The following GALNTL6 variants were observed in gnomAD, a reference collection of about 807,000 sequenced individuals.
GALNTL6 encodes polypeptide N-acetylgalactosaminyltransferase-like 6.
Under a neutral mutation model 73.7 loss-of-function variants are expected in GALNTL6, and 46 were observed. The ratio of observed to expected loss-of-function variants is 0.62; its 90% CI spans 0.49 to 0.80. The LOEUF (loss-of-function observed/expected upper bound fraction) is 0.80. Among genes scored for constraint, GALNTL6 ranks in the 30% least tolerant of loss-of-function variants. The pLI is 0.00. For synonymous variants in GALNTL6, 259 were observed against 263.7 expected (o/e 0.98, Z 0.17); for missense variants, 604 against 755.0 (o/e 0.80, Z 2.34).
At chr4:172,678,055 G>C (rs146750033) in intron 5 of GALNTL6, among the ~76,000 whole-genome samples, 2 of 152,160 alleles carry the variant, frequency 1.3e-5, no homozygotes, top group African/African-American at 4.8e-5. Flanking sequence ...ATTCATGTGC[G>C]TGTCTTTGTT....
intron 5 of GALNTL6, among the ~76,000 whole-genome samples, chr4:172,537,227 C>G (rs977228936): frequency 6.6e-6 from 1 of 152,086 alleles, no homozygotes; most frequent in African/African-American, 2.4e-5. Context: ...CATGAGATTT[C>G]GGAGGGGCCA....
chr4:172,989,148 A>G (rs1423045855), intron 10 of GALNTL6, among the ~76,000 whole-genome samples: 1 of 152,162 alleles, frequency 6.6e-6, no homozygotes, highest in Non-Finnish European at 1.5e-5. Context: ...AGCTGCAGGC[A>G]CTCAATTCCA....
At chr4:172,640,800 A>G (rs537292719) in intron 5 of GALNTL6, among the ~76,000 whole-genome samples, 27 of 152,106 alleles carry the variant, frequency 1.8e-4, no homozygotes, top group Non-Finnish European at 3.8e-4. Context: ...CCACTTCAAT[A>G]TATCAATTTG....
intron 5 of GALNTL6, among the ~76,000 whole-genome samples, chr4:172,526,280 A>G (rs373398031): frequency 2.0e-5 from 3 of 152,200 alleles, no homozygotes; most frequent in Non-Finnish European, 2.9e-5. Context: ...TGACCTCACT[A>G]AAACCATTGA....
chr4:172,171,645 A>G (rs1734830541), intron 2 of GALNTL6, among the ~76,000 whole-genome samples: 1 of 150,236 alleles, frequency 6.7e-6, no homozygotes, highest in African/African-American at 2.5e-5. Context: ...CCCAGGCAAC[A>G]TGGTGAAACT....
rs561353130 is a variant in GALNTL6, at chr4:172,386,172, A to G, written c.553+37483A>G. ...CAGATAGGAGAAGAAAAAATTTACA[A>G]AAATACATTAATAATAATTTTTATA... On this transcript the variant is annotated intron_variant, in intron 5 of 12. Coordinates refer to ENST00000506823, the MANE Select transcript of GALNTL6 (RefSeq NM_001034845.3). Among the ~76,000 whole-genome samples the G allele has an allele frequency of 3.9e-5, 6 of 152,294 alleles. No homozygotes were observed. In the South Asian group the frequency reaches 1.2e-3, roughly 32 times the overall value.
chr4:171,864,207 G>A (rs1037289588), intron 2 of GALNTL6, among the ~76,000 whole-genome samples: 4 of 151,986 alleles, frequency 2.6e-5, no homozygotes, highest in African/African-American at 9.7e-5. Flanking sequence ...ATCTTTAAAG[G>A]AAATAATTAT....
intron 2 of GALNTL6, among the ~76,000 whole-genome samples, chr4:172,175,843 A>T (rs72996349): frequency 0.021 from 3,169 of 152,056 alleles, 107 homozygotes; most frequent in African/African-American, 0.071. Context: ...TGCTTGTCTC[A>T]CTTTCTTTCC....
chr4:172,561,488 C>T (rs186825769), intron 5 of GALNTL6, among the ~76,000 whole-genome samples: 374 of 152,096 alleles, frequency 2.5e-3, no homozygotes, highest in Admixed American at 3.8e-3. Flanking sequence ...ATACCTGTCA[C>T]GTTTTAAGTA....
chr4:173,001,957 G>C (rs963939801), intron 10 of GALNTL6, among the ~76,000 whole-genome samples: 2 of 152,144 alleles, frequency 1.3e-5, no homozygotes, highest in Non-Finnish European at 2.9e-5. Context: ...ACACTTTCAT[G>C]GTTCCTCAAA....
intron 11 of GALNTL6, among the ~76,000 whole-genome samples, chr4:173,013,631 C>T (rs1358850642): frequency 6.8e-6 from 1 of 146,834 alleles, no homozygotes; most frequent in Non-Finnish European, 1.5e-5. Flanking sequence ...GAAATGGTCA[C>T]CAGAGGGCAG....
chr4:172,552,382 A>G (rs905158178), intron 5 of GALNTL6, among the ~76,000 whole-genome samples: 1 of 152,164 alleles, frequency 6.6e-6, no homozygotes, highest in Non-Finnish European at 1.5e-5. Flanking sequence ...TAAAAGAACA[A>G]TGACTTTGAA....
Position 172,301,583 on chromosome 4 carries a change from A to G in GALNTL6, c.248-10031A>G, listed in dbSNP as rs936335764. Among the ~76,000 whole-genome samples, 13 of 152,188 alleles carry G rather than the reference A, an allele frequency of 8.5e-5. No homozygotes were observed. The East Asian group carries it at 2.3e-3, about 27-fold the overall frequency. ...CTTTCTGTTTGTTAGTTTTCCTTCT[A>G]ACAGTCAGGACCCTCAGCTGCAGGT... On this transcript the variant is annotated intron_variant, in intron 3 of 12. Transcript: ENST00000506823.
rs377199176 is a variant in GALNTL6 at position 172,952,239 on chromosome 4, C to A, written c.1352C>A (p.Pro451Gln). 6.2e-7 allele frequency: 1 copy of A among 1,613,900 alleles called. No individual in the cohort carries two copies. The highest frequency in any genetic ancestry group is 1.3e-5 in the African/African-American group (1 of 75,020). Residue 451 changes from proline (P) to glutamine (Q), a missense_variant, in exon 10 of 13, where the codon CCG becomes CAG. Around this residue, in one of 5 missense-constraint regions of GALNTL6, gnomAD observed 261 missense variants for 296.5 expected, o/e 0.88. Transcript: ENST00000506823. ...AAATACTACCCTCCAGTGGAGCCCC[C>A]GCCTGCTGCCTGGGGGGAGGTGAGG... Reference protein sequence around the residue: ...VPKYYPPVEPPPAAWGEIRNV... With the variant: ...VPKYYPPVEPQPAAWGEIRNV...
chr4:171,844,072 A>G (rs11722459), intron 2 of GALNTL6, among the ~76,000 whole-genome samples: 82,389 of 152,000 alleles, frequency 0.54, 24,307 homozygotes, highest in Non-Finnish European at 0.65. Flanking sequence ...GTGTTGTGAA[A>G]TGAGACAATG....
intron 2 of GALNTL6, among the ~76,000 whole-genome samples, chr4:172,003,393 G>GA (rs1308466394): frequency 6.6e-6 from 1 of 151,982 alleles, no homozygotes; most frequent in African/African-American, 2.4e-5. Context: ...AGTTAGAACA[G>GA]AAAAAAACTT....
At chr4:172,650,354 A>G (rs1266291249) in intron 5 of GALNTL6, among the ~76,000 whole-genome samples, 1 of 152,234 alleles carries the variant, frequency 6.6e-6, no homozygotes, top group African/African-American at 2.4e-5. Flanking sequence ...TAAATAGATA[A>G]AAGTCGCAAT....
chr4:172,602,394 A>T (rs1738093426), intron 5 of GALNTL6, among the ~76,000 whole-genome samples: 1 of 152,134 alleles, frequency 6.6e-6, no homozygotes, highest in Non-Finnish European at 1.5e-5. Flanking sequence ...TTTATTGCAT[A>T]ATATGTATAA....
At chr4:172,997,867 A>C (rs928385924) in intron 10 of GALNTL6, among the ~76,000 whole-genome samples, 2 of 152,220 alleles carry the variant, frequency 1.3e-5, no homozygotes, top group African/African-American at 2.4e-5. Flanking sequence ...CAAGTAAAAA[A>C]GTTTTTGTTT....
Sources: gnomAD v4.1 joint callset for allele counts (sites outside exome capture counted in the v4.1 genomes callset) on GRCh38, gnomAD v4.1.1 for gene constraint, gnomAD v4.1.1 regional missense constraint, MANE v1.5 for transcripts, NCBI Gene and HGNC (gene_info 2026-07-23, HGNC 2026-07-21) for gene names.